The following ARL5C variants were observed in gnomAD, a reference collection of about 807,000 sequenced individuals.
ARL5C encodes the protein putative ADP-ribosylation factor-like protein 5C.
Under a neutral mutation model 20.8 loss-of-function variants are expected in ARL5C, and 21 were observed. That is an observed-to-expected ratio of 1.01 (90% CI 0.72 to 1.46). ARL5C has a LOEUF of 1.46. Ranked by LOEUF, ARL5C falls within the 40% of genes most tolerant of loss-of-function variation. ARL5C has a pLI of 0.00. For synonymous variants in ARL5C, 71 were observed against 81.6 expected, an observed-to-expected ratio of 0.87 and a Z score of 0.70; for missense variants, 199 against 225.1, an observed-to-expected ratio of 0.88 and a Z score of 0.74.
chr17:39,165,540 G>A (rs886408841), intron 1 of ARL5C, 175 bp downstream of exon 1: 2 of 734,562 alleles, frequency 2.7e-6, no homozygotes, highest in Admixed American at 2.9e-5. Context: ...CGAAGCGCCG[G>A]GACCCAAGAG....
downstream of ARL5C, chr17:39,156,799 G>A: frequency 7.0e-7 from 1 of 1,425,112 alleles, no homozygotes; most frequent in Non-Finnish European, 9.6e-7. Context: ...GCTCCCACTA[G>A]AGAACCATAG....
rs557449370 is a variant in ARL5C at position 39,160,402 on chromosome 17, A to C, written c.491+189T>G. ...CTTTCTCCACTAGAACAAGCCCCTG[A>C]GAGCAGGGATGCTGTCTGCTTGTGG... On this transcript the variant is annotated intron_variant, in intron 5 of 5. Coordinates refer to ENST00000269586, the MANE Select transcript of ARL5C (RefSeq NM_001143968.1). 17 of 601,106 alleles carry C rather than the reference A, an allele frequency of 2.8e-5. No individual in the cohort carries two copies. In the East Asian group the frequency reaches 4.7e-4, roughly 17 times the overall value. The allele number at this position is 601,106 out of a possible 1,614,324, so 37.2% of individuals were successfully genotyped here.
intron 3 of ARL5C, 56 bp from the exon 4 acceptor site, chr17:39,161,407 C>G: frequency 6.7e-7 from 1 of 1,503,728 alleles, no homozygotes; most frequent in Non-Finnish European, 9.1e-7. Context: ...AAATGTGTTT[C>G]CTGCCCTCTT....
At chr17:39,161,928 G>A (rs515669) in intron 3 of ARL5C, among the ~76,000 whole-genome samples, 13 of 151,998 alleles carry the variant, frequency 8.6e-5, no homozygotes, top group Non-Finnish European at 1.8e-4. Context: ...TTACCACAAC[G>A]CTGTGGACTT....
chr17:39,157,104 G>A (rs924420202), intron 5 of ARL5C, among the ~76,000 whole-genome samples, 162 bp from the exon 6 acceptor site: 1 of 152,208 alleles, frequency 6.6e-6, no homozygotes, highest in African/African-American at 2.4e-5. Flanking sequence ...TGTGCATCAG[G>A]TACTGTGCAA....
intron 3 of ARL5C, among the ~76,000 whole-genome samples, chr17:39,162,015 C>T (rs1020182253): frequency 4.6e-5 from 7 of 152,120 alleles, no homozygotes; most frequent in Non-Finnish European, 1.0e-4. Context: ...CTTGACCACA[C>T]AGCTGGTGAG....
intron 2 of ARL5C, 197 bp downstream of exon 2, chr17:39,164,882 T>G: frequency 1.8e-6 from 1 of 545,000 alleles, no homozygotes; most frequent in South Asian, 2.3e-5. Context: ...GGAGCTAGGG[T>G]TGCCTGTACG....
Position 39,157,398 on chromosome 17 carries a change from T to C in ARL5C, c.492-456A>G, listed in dbSNP as rs561122918. Among the ~76,000 whole-genome samples the C allele has an allele frequency of 6.7e-4, 102 of 152,248 alleles. No homozygotes were observed. In the South Asian group the frequency reaches 7.3e-3, roughly 11 times the overall value. On this transcript the variant is annotated intron_variant, in intron 5 of 5. Coordinates refer to ENST00000269586, the MANE Select transcript of ARL5C (RefSeq NM_001143968.1). ...TCCCTACGCAAGTTCCCCCATTAGA[T>C]TGTAAGCAACTCCGGCGCATGGGTG... is the stretch of plus-strand genomic sequence containing the variant.
intron 2 of ARL5C, among the ~76,000 whole-genome samples, chr17:39,163,857 C>T (rs767790918): frequency 1.5e-4 from 23 of 151,766 alleles, no homozygotes; most frequent in South Asian, 4.2e-4. Flanking sequence ...CTCTGCCTCC[C>T]GGGTTCAAGT....
intron 2 of ARL5C, chr17:39,164,210 A>C (rs1411608947): frequency 1.3e-5 from 2 of 152,172 alleles, no homozygotes; most frequent in Non-Finnish European, 2.9e-5. Flanking sequence ...AGGCACTTTG[A>C]GAGCAACAGC....
At chr17:39,162,366 T>C (rs554128000) in intron 3 of ARL5C, among the ~76,000 whole-genome samples, 9 of 152,300 alleles carry the variant, frequency 5.9e-5, no homozygotes, top group African/African-American at 2.2e-4. Flanking sequence ...AATGGCGTGA[T>C]CTCGGCTCAC....
intron 4 of ARL5C, 116 bp from the exon 5 acceptor site, chr17:39,160,858 C>G: frequency 7.8e-7 from 1 of 1,283,454 alleles, no homozygotes; most frequent in East Asian, 2.5e-5. Context: ...GAGGCCCATG[C>G]CTGGATGGGG....
At chr17:39,159,007 T>C (rs1347736663) in intron 5 of ARL5C, among the ~76,000 whole-genome samples, 1 of 146,626 alleles carries the variant, frequency 6.8e-6, no homozygotes, top group Non-Finnish European at 1.5e-5. Context: ...TTATTCACCT[T>C]ATCATTTATC....
chr17:39,163,703 T>G (rs1481533596), intron 2 of ARL5C, among the ~76,000 whole-genome samples: 1 of 71,476 alleles, frequency 1.4e-5, no homozygotes, highest in Non-Finnish European at 2.4e-5. Context: ...CAGTTTTGCT[T>G]TTTTTTTTTT....
Position 39,161,261 on chromosome 17 carries a change from G to T in ARL5C, c.339+7C>A, listed in dbSNP as rs545466264. 1.9e-6 allele frequency: 3 copies of T among 1,551,572 alleles called. No individual in the cohort carries two copies. Among genetic ancestry groups the T allele is most frequent in the Non-Finnish European group, 2.6e-6 (3 of 1,146,914 alleles). On this transcript the variant is annotated splice_region_variant and intron_variant, in intron 4 of 5. Coordinates refer to ENST00000269586, the MANE Select transcript of ARL5C (RefSeq NM_001143968.1). The stretch of plus-strand genomic sequence containing the variant: ...ACTGGGCCCTCTCCCAACTGCAGGG[G>T]GCTTACCTCATGGGCCAGCATTTTA...
Position 39,161,319 on chromosome 17 carries a change from C to G in ARL5C, c.288G>C (p.Arg96=). The change falls in exon 4 of 6, where the codon CGG becomes CGC. Residue 96 remains arginine (R), a synonymous_variant. Transcript: ENST00000269586. ...FIILVIDSTD[R]DRLLTTREEL... ...CCTCCCGAGTGGTCAGCAGCCGATC[C>G]CGGTCCGTGCTGTCAATCACAAGGA... 1 of 1,551,898 alleles carries G rather than the reference C, an allele frequency of 6.4e-7. No individual in the cohort carries two copies.
Position 39,165,000 on chromosome 17 carries a change from G to A in ARL5C, c.107+79C>T, listed in dbSNP as rs145831639. ...GAGGAGCCCGGGAACCCAGGGAAGA[G>A]CTCCAGTGATTGGTCCCCCTGCCTG... On this transcript the variant is annotated intron_variant, in intron 2 of 5. Coordinates refer to ENST00000269586, the MANE Select transcript of ARL5C (RefSeq NM_001143968.1). The A allele has an allele frequency of 1.4e-3, 2,064 of 1,444,200 alleles. 8 individuals are homozygous for A. The highest frequency in any genetic ancestry group is 2.4e-3 in the Middle Eastern group (14 of 5,780). The allele number at this position is 1,444,200 out of a possible 1,614,324, so 89.5% of individuals were successfully genotyped here. A position where few individuals can be genotyped will look rare whatever the true frequency, so the allele number is the denominator to read the frequency against.
At chr17:39,157,917 CA>C in intron 5 of ARL5C, among the ~76,000 whole-genome samples, 1 of 150,314 alleles carries the variant, frequency 6.7e-6, no homozygotes, top group African/African-American at 2.5e-5. Flanking sequence ...CACCATGAAA[CA>C]CCGTCTCTAC....
At chr17:39,160,543 C>A (rs2045428921) in intron 5 of ARL5C, 48 bp downstream of exon 5, 1 of 1,542,986 alleles carries the variant, frequency 6.5e-7, no homozygotes, top group Non-Finnish European at 8.8e-7. Flanking sequence ...GGTCAGTCAT[C>A]CATTGGTTCA....
Sources: gnomAD v4.1 joint callset for allele counts (sites outside exome capture counted in the v4.1 genomes callset) on GRCh38, gnomAD v4.1.1 for gene constraint, MANE v1.5 for transcripts, NCBI Gene and HGNC (gene_info 2026-07-23, HGNC 2026-07-21) for gene names.